Variants in NTNG1 observed in about 807,000 individuals in gnomAD.
NTNG1 encodes netrin G1.
Under a neutral mutation model 54.0 loss-of-function variants are expected in NTNG1, and 16 were observed. The observed-to-expected ratio is 0.30, with a 90% CI of 0.20 to 0.45. The LOEUF (loss-of-function observed/expected upper bound fraction) is 0.45. NTNG1 is among the 20% of genes least tolerant of loss of function. The pLI, the probability that NTNG1 is intolerant of heterozygous loss-of-function variation, is 1.00. For missense variants in NTNG1, 530 were observed against 678.7 expected, an observed-to-expected ratio of 0.78 and a Z score of 2.43; for synonymous variants, 255 against 263.1, an observed-to-expected ratio of 0.97 and a Z score of 0.30.
At chr1:107,251,833 A>C (rs547188347) in intron 2 of NTNG1, among the ~76,000 whole-genome samples, 3 of 152,264 alleles carry the variant, frequency 2.0e-5, no homozygotes, top group Admixed American at 6.5e-5. Flanking sequence ...TAAGCACATT[A>C]GTTTCATCCA....
intron 2 of NTNG1, among the ~76,000 whole-genome samples, chr1:107,152,323 C>T (rs1654640705): frequency 6.6e-6 from 1 of 152,096 alleles, no homozygotes; most frequent in African/African-American, 2.4e-5. Flanking sequence ...TCAGGAAACA[C>T]AGATCATCTA....
intron 2 of NTNG1, among the ~76,000 whole-genome samples, chr1:107,319,473 C>T (rs1010738496): frequency 6.6e-6 from 1 of 152,106 alleles, no homozygotes. Context: ...CCTTTAAAGG[C>T]CTTGCGTTGG....
At chr1:107,308,440 G>A (rs1313311980) in intron 2 of NTNG1, among the ~76,000 whole-genome samples, 1 of 151,952 alleles carries the variant, frequency 6.6e-6, no homozygotes, top group Admixed American at 6.6e-5. Context: ...TTTGTCAGCT[G>A]TGGCAAAGAT....
chr1:107,406,391 C>T (rs923797990), intron 4 of NTNG1, among the ~76,000 whole-genome samples: 4 of 152,242 alleles, frequency 2.6e-5, no homozygotes, highest in African/African-American at 7.2e-5. Flanking sequence ...TAACAGCTAC[C>T]GTTTATTGGC....
At chr1:107,439,332 G>A (rs1675812252) in intron 7 of NTNG1, among the ~76,000 whole-genome samples, 1 of 145,942 alleles carries the variant, frequency 6.9e-6, no homozygotes, top group Non-Finnish European at 1.5e-5. Flanking sequence ...TGGGAGTAAG[G>A]GAAGATGTTA....
At chr1:107,189,366 A>AAAAAG (rs1657719461) in intron 2 of NTNG1, among the ~76,000 whole-genome samples, 1 of 149,304 alleles carries the variant, frequency 6.7e-6, no homozygotes, top group South Asian at 2.2e-4. Flanking sequence ...AAAAAAAAAA[A>AAAAAG]GTTTGGGTGA....
intron 3 of NTNG1, 87 bp downstream of exon 3, chr1:107,325,009 T>C (rs1667869352): frequency 5.2e-6 from 7 of 1,358,744 alleles, no homozygotes; most frequent in Non-Finnish European, 7.0e-6. Flanking sequence ...GTGACATTTG[T>C]CAATTTCTAC....
At chr1:107,385,843 T>G (rs1483415604) in intron 3 of NTNG1, among the ~76,000 whole-genome samples, 1 of 151,642 alleles carries the variant, frequency 6.6e-6, no homozygotes, top group Admixed American at 6.6e-5. Context: ...TTTTGTTTTT[T>G]TTTTTAATGT....
At chr1:107,163,424 A>G (rs1655554339) in intron 2 of NTNG1, among the ~76,000 whole-genome samples, 1 of 152,000 alleles carries the variant, frequency 6.6e-6, no homozygotes, top group African/African-American at 2.4e-5. Flanking sequence ...TGTGATTATC[A>G]TTTCTCTTGC....
At chr1:107,253,204 T>C (rs1327171033) in intron 2 of NTNG1, among the ~76,000 whole-genome samples, 1 of 152,224 alleles carries the variant, frequency 6.6e-6, no homozygotes, top group African/African-American at 2.4e-5. Flanking sequence ...AGAGTCTGAC[T>C]TAAATTGAGG....
At chr1:107,479,273 T>C (rs1359367239) in intron 7 of NTNG1, among the ~76,000 whole-genome samples, 1 of 152,264 alleles carries the variant, frequency 6.6e-6, no homozygotes, top group Non-Finnish European at 1.5e-5. Flanking sequence ...AGCACTGGCA[T>C]GTTTGTGTGT....
At chr1:107,371,066 C>T (rs1370544849) in intron 3 of NTNG1, among the ~76,000 whole-genome samples, 1 of 151,998 alleles carries the variant, frequency 6.6e-6, no homozygotes, top group East Asian at 1.9e-4. Flanking sequence ...AAAAAGAAAG[C>T]ATTCTGTCTT....
chr1:107,392,329 T>C lies in NTNG1; in HGVS notation c.888-2825T>C, dbSNP rs531075833. Among the ~76,000 whole-genome samples the C allele has an allele frequency of 4.7e-4, 72 of 152,056 alleles. No homozygotes were observed. In the South Asian group the frequency reaches 0.014, roughly 29 times the overall value. ...TATTTATTTGGGGTGGGGAAGATGA[T>C]GTGAATTTGCTTTAAAAGGTTTGTA... On this transcript the variant is annotated intron_variant, in intron 3 of 7. Transcript: ENST00000370068.
rs957001624 is a variant in NTNG1 at position 107,284,305 on chromosome 1, G to T, written c.247-39977G>T. Among the ~76,000 whole-genome samples, 3 of 152,208 alleles carry T rather than the reference G, an allele frequency of 2.0e-5. No homozygotes were observed. The South Asian group carries it at 6.2e-4, about 32-fold the overall frequency. ...AATTTAAGGAGAACCAACATCAGGA[G>T]AATTTGGGCCACTCTTGATGAAGAA... On this transcript the variant is annotated intron_variant, in intron 2 of 7. Transcript: ENST00000370068.
chr1:107,387,304 G>A (rs1233741434), intron 3 of NTNG1, among the ~76,000 whole-genome samples: 2 of 152,118 alleles, frequency 1.3e-5, no homozygotes, highest in Admixed American at 6.6e-5. Context: ...GTCCAGTTTG[G>A]GCCAAAAATT....
chr1:107,300,962 C>T (rs1289721341), intron 2 of NTNG1, among the ~76,000 whole-genome samples: 2 of 152,036 alleles, frequency 1.3e-5, no homozygotes, highest in Non-Finnish European at 2.9e-5. Flanking sequence ...ATTGCAGTGT[C>T]TGAATAGATT....
intron 2 of NTNG1, among the ~76,000 whole-genome samples, chr1:107,218,571 G>A (rs1349961139): frequency 6.6e-6 from 1 of 151,970 alleles, no homozygotes; most frequent in Non-Finnish European, 1.5e-5. Context: ...ATGCTTTAAG[G>A]AGATTCTATT....
At chr1:107,360,183 A>T (rs1003975454) in intron 3 of NTNG1, among the ~76,000 whole-genome samples, 2 of 152,192 alleles carry the variant, frequency 1.3e-5, no homozygotes, top group South Asian at 2.1e-4. Context: ...TGGGCATTAT[A>T]TACCAGGTAC....
At position 107,189,955 on chromosome 1, in the gene NTNG1, G is replaced by A. The variant is rs1657782265; in HGVS notation, c.246+41116G>A. Among the ~76,000 whole-genome samples, 2 of 152,070 alleles carry A rather than the reference G, an allele frequency of 1.3e-5. 1 individual carries two copies. Among genetic ancestry groups the A allele is most frequent in the South Asian group, 4.1e-4 (2 of 4,822 alleles). ...CAGATGAATGGATAGACAAAATGTA[G>A]TATATACATACAATAGAATATTAGC... On this transcript the variant is annotated intron_variant, in intron 2 of 7. Transcript: ENST00000370068.
Sources: allele counts gnomAD v4.1 joint callset (sites outside exome capture counted in the v4.1 genomes callset), GRCh38; gene constraint gnomAD v4.1.1; transcripts MANE v1.5; gene names NCBI Gene and HGNC (gene_info 2026-07-23, HGNC 2026-07-21).